Variants in GNAQ observed in about 807,000 individuals in gnomAD.
GNAQ encodes guanine nucleotide-binding protein G(q) subunit alpha.
A neutral mutation model predicts 43.9 loss-of-function variants in GNAQ; 8 were observed. That is an observed-to-expected ratio of 0.18 (90% CI 0.11 to 0.33). GNAQ has a LOEUF of 0.33. Among genes scored for constraint, GNAQ ranks in the 10% least tolerant of loss-of-function variants. The pLI, the probability that GNAQ is intolerant of heterozygous loss-of-function variation, is 1.00. For synonymous variants in GNAQ, 155 were observed against 170.7 expected, an observed-to-expected ratio of 0.91 and a Z score of 0.71; for missense variants, 158 against 450.8, an observed-to-expected ratio of 0.35 and a Z score of 5.88.
intron 5 of GNAQ, among the ~76,000 whole-genome samples, chr9:77,734,880 G>C (rs958105688): frequency 7.2e-5 from 11 of 152,180 alleles, no homozygotes; most frequent in South Asian, 6.2e-4. Context: ...CTCAGTAAAA[G>C]GGGAAAACAC....
At chr9:77,962,311 T>C (rs1007956878) in intron 1 of GNAQ, among the ~76,000 whole-genome samples, 17 of 152,042 alleles carry the variant, frequency 1.1e-4, no homozygotes, top group African/African-American at 3.9e-4. Flanking sequence ...TATAACACTA[T>C]TGATCTAAGA....
chr9:77,786,000 T>C (rs375875393), intron 5 of GNAQ, among the ~76,000 whole-genome samples: 6 of 152,272 alleles, frequency 3.9e-5, no homozygotes, highest in East Asian at 1.9e-4. Context: ...ATCAACCAAA[T>C]AGCCCAGAGA....
chr9:77,860,148 T>C (rs1445646100), intron 2 of GNAQ, among the ~76,000 whole-genome samples: 2 of 152,206 alleles, frequency 1.3e-5, no homozygotes, highest in Non-Finnish European at 2.9e-5. Context: ...AGACTCACTA[T>C]TTCTTAGTAG....
intron 2 of GNAQ, among the ~76,000 whole-genome samples, chr9:77,910,340 A>C (rs796168047): frequency 2.6e-5 from 4 of 152,330 alleles, no homozygotes; most frequent in African/African-American, 9.6e-5. Flanking sequence ...CTGAAAATAG[A>C]TGCATTGTTT....
intron 2 of GNAQ, among the ~76,000 whole-genome samples, chr9:77,908,960 A>G (rs1461974517): frequency 3.3e-5 from 5 of 152,346 alleles, no homozygotes; most frequent in Admixed American, 6.5e-5. Flanking sequence ...TCAACCTCAC[A>G]TTCAGTTAGG....
At chr9:78,006,258 A>T (rs377148047) in intron 1 of GNAQ, among the ~76,000 whole-genome samples, 8 of 152,314 alleles carry the variant, frequency 5.3e-5, no homozygotes, top group East Asian at 1.9e-4. Context: ...CAAATCCATT[A>T]TGTGTGTGAT....
chr9:77,732,541 T>C (rs1235343649), intron 5 of GNAQ, among the ~76,000 whole-genome samples: 1 of 152,150 alleles, frequency 6.6e-6, no homozygotes. Context: ...AATTTTTGTA[T>C]TTTTAGTAGA....
intron 1 of GNAQ, among the ~76,000 whole-genome samples, chr9:77,941,517 G>C (rs1486475637): frequency 6.6e-6 from 1 of 152,154 alleles, no homozygotes; most frequent in East Asian, 1.9e-4. Context: ...CCAAAGTGCT[G>C]GGATTACAGG....
intron 1 of GNAQ, among the ~76,000 whole-genome samples, chr9:77,995,935 G>C (rs1334023168): frequency 6.6e-6 from 1 of 152,140 alleles, no homozygotes; most frequent in East Asian, 1.9e-4. Context: ...AAAAACTAAG[G>C]AATACACAAA....
intron 1 of GNAQ, among the ~76,000 whole-genome samples, chr9:78,024,108 G>C (rs1041572832): frequency 1.3e-5 from 2 of 152,152 alleles, no homozygotes; most frequent in Non-Finnish European, 2.9e-5. Flanking sequence ...AGATTTCAAA[G>C]AACTTGTGTG....
intron 5 of GNAQ, among the ~76,000 whole-genome samples, chr9:77,737,302 A>G (rs1368816750): frequency 3.3e-5 from 5 of 152,202 alleles, no homozygotes; most frequent in Non-Finnish European, 7.3e-5. Flanking sequence ...GCTCTATTGC[A>G]CTGCAAACTC....
intron 2 of GNAQ, among the ~76,000 whole-genome samples, chr9:77,914,561 C>T (rs187315789): frequency 6.6e-6 from 1 of 152,132 alleles, no homozygotes; most frequent in East Asian, 1.9e-4. Flanking sequence ...ACTTGGGAGG[C>T]TGAGGCAGGA....
chr9:77,879,088 A>T (rs1828171705), intron 2 of GNAQ, among the ~76,000 whole-genome samples: 1 of 152,058 alleles, frequency 6.6e-6, no homozygotes, highest in Admixed American at 6.6e-5. Flanking sequence ...AAAAATAAAA[A>T]AATAAGATGA....
chr9:77,759,737 G>C (rs947460552), intron 5 of GNAQ, among the ~76,000 whole-genome samples: 1 of 152,044 alleles, frequency 6.6e-6, no homozygotes, highest in South Asian at 2.1e-4. Context: ...TAAAAACAAA[G>C]GAAAAGGTGT....
intron 2 of GNAQ, among the ~76,000 whole-genome samples, chr9:77,827,225 G>T (rs1587934597): frequency 6.6e-6 from 1 of 151,438 alleles, no homozygotes; most frequent in Non-Finnish European, 1.5e-5. Context: ...ATAAAACCTT[G>T]TCTAAGATAT....
intron 2 of GNAQ, among the ~76,000 whole-genome samples, chr9:77,879,743 G>C (rs1385364852): frequency 6.6e-6 from 1 of 152,196 alleles, no homozygotes; most frequent in Non-Finnish European, 1.5e-5. Context: ...TCCCTTGAGA[G>C]GCAGATATGA....
intron 5 of GNAQ, among the ~76,000 whole-genome samples, chr9:77,740,562 A>C (rs1342018499): frequency 1.3e-5 from 2 of 152,222 alleles, no homozygotes; most frequent in African/African-American, 4.8e-5. Flanking sequence ...AAATACATAA[A>C]ATATTCTGAA....
chr9:77,841,221 C>T (rs1051943587), intron 2 of GNAQ, among the ~76,000 whole-genome samples: 5 of 152,040 alleles, frequency 3.3e-5, no homozygotes, highest in Non-Finnish European at 7.4e-5. Context: ...AAGAAAACTC[C>T]GAATGTATAA....
At chr9:77,833,426 A>C (rs1474117731) in intron 2 of GNAQ, among the ~76,000 whole-genome samples, 1 of 152,208 alleles carries the variant, frequency 6.6e-6, no homozygotes, top group South Asian at 2.1e-4. Flanking sequence ...GTACAAAGTA[A>C]GCAACTGGTA....
Sources: allele counts gnomAD v4.1 joint callset (sites outside exome capture counted in the v4.1 genomes callset), GRCh38; gene constraint gnomAD v4.1.1; transcripts MANE v1.5; gene names NCBI Gene and HGNC (gene_info 2026-07-23, HGNC 2026-07-21).